Variants in SLC75A1 observed in about 807,000 individuals in gnomAD.
SLC75A1 encodes major facilitator superfamily domain containing 10.
At chr4:2,932,875 G>A in the SLC75A1 span, 1 of 1,339,312 alleles carries the variant, frequency 7.5e-7, no homozygotes, top group South Asian at 1.5e-5. Context: ...CGAAGCATCT[G>A]AGGGCCACTT....
the SLC75A1 span, chr4:2,932,301 G>C: frequency 8.9e-6 from 14 of 1,581,092 alleles, no homozygotes; most frequent in Non-Finnish European, 1.1e-5. Context: ...CATCGCTATG[G>C]AATCAAGCCT....
At chr4:2,930,858 G>C in the SLC75A1 span, 1 of 1,613,006 alleles carries the variant, frequency 6.2e-7, no homozygotes, top group African/African-American at 1.3e-5. Context: ...TTGAGCGTCT[G>C]TGCCGGGTAA....
At chr4:2,933,609 C>G in the SLC75A1 span, 2 of 1,613,588 alleles carry the variant, frequency 1.2e-6, no homozygotes, top group Non-Finnish European at 8.5e-7. Context: ...ACTGGCATCC[C>G]GATGGCGGTG....
chr4:2,931,011 G>A, the SLC75A1 span: 6 of 1,611,772 alleles, frequency 3.7e-6, no homozygotes, highest in Non-Finnish European at 5.1e-6. Flanking sequence ...TGGGAGGCGA[G>A]GGCAGGTGCT....
the SLC75A1 span, chr4:2,931,887 GAA>G: frequency 6.2e-7 from 1 of 1,611,536 alleles, no homozygotes; most frequent in East Asian, 2.2e-5. Flanking sequence ...CCGAGAACAG[GAA>G]GAGGTAGAGG....
the SLC75A1 span, chr4:2,931,633 G>T: frequency 6.2e-7 from 1 of 1,613,662 alleles, no homozygotes; most frequent in Admixed American, 1.7e-5. Flanking sequence ...TGGTGAGGCC[G>T]ATGAGGAAAA....
chr4:2,930,986 G>T, the SLC75A1 span: 2 of 1,612,628 alleles, frequency 1.2e-6, no homozygotes, highest in Non-Finnish European at 1.7e-6. Context: ...CCCAGTCCCC[G>T]AGGGGGCTGG....
the SLC75A1 span, chr4:2,931,139 G>GCC: frequency 1.9e-6 from 3 of 1,565,850 alleles, no homozygotes; most frequent in Non-Finnish European, 2.6e-6. Context: ...GTGCCCTTCT[G>GCC]CCCTGGTGAG....
the SLC75A1 span, chr4:2,934,281 GGATCCCGATCCC>G: frequency 4.6e-4 from 120 of 262,004 alleles, no homozygotes; most frequent in Admixed American, 7.7e-4. Flanking sequence ...CGGGGAACCC[GGATCCCGATCCC>G]GATCCCGATC....
the SLC75A1 span, chr4:2,932,705 G>T: frequency 6.2e-7 from 1 of 1,604,892 alleles, no homozygotes; most frequent in Non-Finnish European, 8.5e-7. Context: ...AGGCCAGGAA[G>T]GCCGCAAAGC....
the SLC75A1 span, chr4:2,933,893 G>C: frequency 3.2e-6 from 5 of 1,575,692 alleles, no homozygotes; most frequent in Non-Finnish European, 4.3e-6. Context: ...GGTGGGCGCG[G>C]GGTGCAGCCT....
chr4:2,931,710 A>G, the SLC75A1 span: 1 of 1,577,578 alleles, frequency 6.3e-7, no homozygotes, highest in Non-Finnish European at 8.7e-7. Flanking sequence ...AGGGCCACCC[A>G]GGGCAGGGCC....
At chr4:2,934,169 G>A in the SLC75A1 span, 34 of 573,276 alleles carry the variant, frequency 5.9e-5, no homozygotes, top group East Asian at 3.2e-4. Context: ...CAAAGGCAAC[G>A]GTCCTGAGAG....
At chr4:2,931,876 C>T in the SLC75A1 span, 1 of 1,611,040 alleles carries the variant, frequency 6.2e-7, no homozygotes, top group South Asian at 1.1e-5. Context: ...GTACTCCAGG[C>T]CCGAGAACAG....
chr4:2,932,817 G>A, the SLC75A1 span: 1,072 of 1,517,532 alleles, frequency 7.1e-4, 3 homozygotes, highest in Middle Eastern at 5.5e-3. Flanking sequence ...GAGTGGCTCA[G>A]AGTAGGGCTT....
chr4:2,932,772 G>A, the SLC75A1 span: 1 of 1,542,910 alleles, frequency 6.5e-7, no homozygotes. Context: ...CCCAGGGGCA[G>A]GGGCCAAGAG....
the SLC75A1 span, chr4:2,933,770 T>C: frequency 1.3e-6 from 2 of 1,597,704 alleles, no homozygotes; most frequent in Non-Finnish European, 1.7e-6. Flanking sequence ...CGGCCGTGGC[T>C]CTCCAACAGC....
the SLC75A1 span, chr4:2,932,083 G>A: frequency 9.3e-6 from 15 of 1,611,164 alleles, no homozygotes; most frequent in African/African-American, 5.3e-5. Flanking sequence ...AGCGACAGCC[G>A]AGAAGCGCAG....
At chr4:2,933,007 A>G in the SLC75A1 span, 1 of 1,219,316 alleles carries the variant, frequency 8.2e-7, no homozygotes, top group Non-Finnish European at 1.2e-6. Flanking sequence ...AGTGGCCATG[A>G]GGGGCCCACA....
Sources: gnomAD v4.1 joint callset for allele counts on GRCh38, gnomAD v4.1.1 for gene constraint, MANE v1.5 for transcripts, NCBI Gene and HGNC (gene_info 2026-07-23, HGNC 2026-07-21) for gene names.